The following CDKL4 variants were observed in gnomAD, a reference collection of about 807,000 sequenced individuals.
CDKL4 encodes the protein cyclin-dependent kinase-like 4.
A neutral mutation model predicts 42.0 loss-of-function variants in CDKL4; 44 were observed. The observed-to-expected ratio is 1.05, with a 90% CI of 0.82 to 1.35. The LOEUF (loss-of-function observed/expected upper bound fraction) is 1.35, where lower values mean the gene tolerates loss of function less well. CDKL4 is among the 40% of genes most tolerant of loss of function. The pLI is 0.00. For missense variants in CDKL4, 393 were observed against 369.9 expected (o/e 1.06, Z -0.51); for synonymous variants, 120 against 121.6 (o/e 0.99, Z 0.09).
At chr2:39,220,626 C>G (rs1310150027) in intron 3 of CDKL4, among the ~76,000 whole-genome samples, 1 of 151,514 alleles carries the variant, frequency 6.6e-6, no homozygotes, top group Non-Finnish European at 1.5e-5. Context: ...TTCGCTCTGT[C>G]GCCCAGGCTG....
intron 7 of CDKL4, among the ~76,000 whole-genome samples, chr2:39,186,685 G>A (rs1039301062): frequency 2.0e-5 from 3 of 151,974 alleles, no homozygotes; most frequent in African/African-American, 7.3e-5. Context: ...AAAAATATAT[G>A]TTGTGAAAAA....
intron 1 of CDKL4, among the ~76,000 whole-genome samples, chr2:39,232,805 G>A (rs1014272088): frequency 2.0e-5 from 3 of 152,054 alleles, no homozygotes; most frequent in Admixed American, 1.3e-4. Flanking sequence ...CGGCACTTTG[G>A]GAGGCTGAGG....
intron 4 of CDKL4, among the ~76,000 whole-genome samples, chr2:39,211,970 C>A (rs1405308419): frequency 2.0e-5 from 3 of 152,220 alleles, no homozygotes; most frequent in Non-Finnish European, 4.4e-5. Flanking sequence ...CTCCAATTTA[C>A]AGGAAATACA....
intron 4 of CDKL4, among the ~76,000 whole-genome samples, chr2:39,209,641 T>G (rs996156155): frequency 6.6e-6 from 1 of 152,078 alleles, no homozygotes; most frequent in African/African-American, 2.4e-5. Context: ...ATAGTTGGAG[T>G]AGCAAGGCCT....
At chr2:39,196,364 A>C (rs779914583) in intron 5 of CDKL4, among the ~76,000 whole-genome samples, 1 of 152,180 alleles carries the variant, frequency 6.6e-6, no homozygotes. Flanking sequence ...GACACTTCCT[A>C]GTACCAGCCC....
chr2:39,201,850 G>A (rs189769062), intron 5 of CDKL4, among the ~76,000 whole-genome samples: 17 of 152,250 alleles, frequency 1.1e-4, no homozygotes, highest in South Asian at 4.1e-4. Flanking sequence ...GTCGGGCGGC[G>A]GGTGAGGGAT....
intron 1 of CDKL4, among the ~76,000 whole-genome samples, chr2:39,235,492 T>C (rs963723838): frequency 2.0e-5 from 3 of 152,288 alleles, no homozygotes; most frequent in Non-Finnish European, 4.4e-5. Flanking sequence ...AAAAATGCCA[T>C]TAATCTACTT....
chr2:39,176,903 T>C (rs954314498), intron 9 of CDKL4, among the ~76,000 whole-genome samples: 2 of 152,218 alleles, frequency 1.3e-5, no homozygotes, highest in Non-Finnish European at 2.9e-5. Context: ...GTGTGTCTTC[T>C]GAAGGAACAC....
At chr2:39,192,501 T>C (rs978311985) in intron 5 of CDKL4, among the ~76,000 whole-genome samples, 12 of 151,370 alleles carry the variant, frequency 7.9e-5, no homozygotes, top group East Asian at 2.0e-4. Flanking sequence ...GCTGGGACTA[T>C]AGGGGCTTGA....
At chr2:39,225,712 G>C (rs1678664896) in intron 3 of CDKL4, 127 bp downstream of exon 3, 1 of 848,388 alleles carries the variant, frequency 1.2e-6, no homozygotes, top group Non-Finnish European at 1.7e-6. Context: ...GAGACTGGAT[G>C]GGGTAGCCAG....
At chr2:39,216,160 T>C (rs981725885) in intron 3 of CDKL4, among the ~76,000 whole-genome samples, 1 of 152,232 alleles carries the variant, frequency 6.6e-6, no homozygotes, top group Non-Finnish European at 1.5e-5. Flanking sequence ...AATACTAGAA[T>C]AATATCTTAT....
chr2:39,204,413 T>A, intron 5 of CDKL4, 114 bp downstream of exon 5: 1 of 700,122 alleles, frequency 1.4e-6, no homozygotes, highest in Non-Finnish European at 2.5e-6. Flanking sequence ...ATTTTCCTTT[T>A]TGAATAACAA....
chr2:39,171,801 G>T (rs1008759776), downstream of CDKL4, among the ~76,000 whole-genome samples: 5 of 152,248 alleles, frequency 3.3e-5, no homozygotes, highest in Non-Finnish European at 7.3e-5. Context: ...GCGGAGCACA[G>T]AGGAGTGTTC....
At chr2:39,176,575 AG>A (rs1265576256) in intron 9 of CDKL4, among the ~76,000 whole-genome samples, 1 of 152,212 alleles carries the variant, frequency 6.6e-6, no homozygotes, top group Non-Finnish European at 1.5e-5. Flanking sequence ...CTGAGATTAC[AG>A]GTGTGAGCCA....
intron 1 of CDKL4, among the ~76,000 whole-genome samples, chr2:39,232,507 C>T (rs1283763088): frequency 6.6e-6 from 1 of 152,204 alleles, no homozygotes; most frequent in African/African-American, 2.4e-5. Context: ...AATGCCTTCT[C>T]TTCTTTCTTA....
intron 4 of CDKL4, among the ~76,000 whole-genome samples, chr2:39,206,006 G>T (rs151107182): frequency 9.9e-5 from 15 of 151,850 alleles, no homozygotes; most frequent in African/African-American, 3.1e-4. Context: ...TCCATACTGG[G>T]AAAGTGGGAC....
chr2:39,203,733 G>GT (rs1441455064), intron 5 of CDKL4, among the ~76,000 whole-genome samples: 1 of 152,190 alleles, frequency 6.6e-6, no homozygotes, highest in African/African-American at 2.4e-5. Flanking sequence ...TGCCGCGTTT[G>GT]TAACTCGATA....
At chr2:39,191,861 G>A (rs1676203299) in intron 5 of CDKL4, among the ~76,000 whole-genome samples, 1 of 152,174 alleles carries the variant, frequency 6.6e-6, no homozygotes, top group African/African-American at 2.4e-5. Context: ...GCATTACAGA[G>A]GAGGAACAAT....
intron 5 of CDKL4, 114 bp from the exon 6 acceptor site, chr2:39,190,616 A>G: frequency 1.2e-6 from 1 of 817,548 alleles, no homozygotes; most frequent in Non-Finnish European, 2.0e-6. Context: ...GATACTCTTA[A>G]GGGTTAATGC....
Sources: allele counts gnomAD v4.1 joint callset (sites outside exome capture counted in the v4.1 genomes callset), GRCh38; gene constraint gnomAD v4.1.1; transcripts MANE v1.5; gene names NCBI Gene and HGNC (gene_info 2026-07-23, HGNC 2026-07-21).